Variants in CLPTM1 observed in about 807,000 individuals in gnomAD.
CLPTM1 encodes the protein putative lipid scramblase CLPTM1.
In CLPTM1, 21 loss-of-function variants were observed where a neutral mutation model predicts 77.3. The ratio of observed to expected loss-of-function variants is 0.27; its 90% confidence interval spans 0.19 to 0.39. The LOEUF (loss-of-function observed/expected upper bound fraction) is 0.39, where lower values mean the gene tolerates loss of function less well. Among genes scored for constraint, CLPTM1 ranks in the 10% least tolerant of loss-of-function variants. The probability of loss-of-function intolerance (pLI) is 1.00; values close to 1 mark genes in which losing one functional copy is unlikely to be tolerated. For missense variants in CLPTM1, 642 were observed against 921.2 expected (o/e 0.70, Z 3.92); for synonymous variants, 373 against 381.0 (o/e 0.98, Z 0.24).
intron 2 of CLPTM1, among the ~76,000 whole-genome samples, chr19:44,967,749 G>A (rs1015583472): frequency 4.0e-5 from 6 of 151,752 alleles, no homozygotes; most frequent in Admixed American, 2.0e-4. Context: ...TCCTCCAAGA[G>A]TGTCACACAG....
At position 44,955,381 on chromosome 19, in the gene CLPTM1, A is replaced by G. The variant is rs928487598; in HGVS notation, c.-15A>G. ...GGCGGGGCTGGCGGCGGGGGCGGGG[A>G]CCCGGAGCGGGAAGATGGCGGCGGC... On this transcript the variant is annotated 5_prime_UTR_variant, in exon 1 of 14. Transcript: ENST00000337392. 4 of 1,310,506 alleles carry G rather than the reference A, an allele frequency of 3.1e-6. No homozygotes were observed. Among genetic ancestry groups the G allele is most frequent in the African/African-American group, 1.6e-5 (1 of 63,918 alleles). 81.2% of individuals were successfully genotyped at this position (1,310,506 alleles called of 1,614,324 possible).
intron 8 of CLPTM1, 178 bp from the exon 9 acceptor site, chr19:44,987,902 T>G (rs1290611463): frequency 1.6e-6 from 1 of 631,092 alleles, no homozygotes; most frequent in Non-Finnish European, 2.8e-6. Context: ...CCGTCTCTTC[T>G]GTCTTTGTGA....
In CLPTM1 at chr19:44,990,989, A is replaced by AC. The variant is rs11405080; in HGVS notation, c.1419+46dup. 1,487,966 of 1,488,008 alleles carry AC rather than the reference A, an allele frequency of 1. 743,963 individuals are homozygous for AC. Among genetic ancestry groups the AC allele is most frequent in the Middle Eastern group, 1 (5,830 of 5,830 alleles). 92.2% of individuals were successfully genotyped at this position (1,488,008 alleles called of 1,614,324 possible). Reference sequence around the variant, plus strand: ...GGGCCCCTGGGGGTGGTCTCCAGGTACCACGTATCCCTGAGGCACCCGGGG... The same window carrying AC: ...GGGCCCCTGGGGGTGGTCTCCAGGTACCCACGTATCCCTGAGGCACCCGGGG... On this transcript the variant is annotated intron_variant, in intron 11 of 13. Coordinates refer to ENST00000337392, the MANE Select transcript of CLPTM1 (RefSeq NM_001294.4). This position sits in a 1 kb window ranked among gnomAD's most constrained non-coding sequence, Gnocchi z 4.8.
intron 1 of CLPTM1, among the ~76,000 whole-genome samples, chr19:44,961,624 T>C (rs1198186701): frequency 6.6e-6 from 1 of 152,158 alleles, no homozygotes; most frequent in Non-Finnish European, 1.5e-5. Flanking sequence ...AACCCTAGAC[T>C]GGACCAGGTG....
At chr19:44,969,973 A>C (rs987358843) in intron 2 of CLPTM1, among the ~76,000 whole-genome samples, 1 of 147,230 alleles carries the variant, frequency 6.8e-6, no homozygotes, top group Non-Finnish European at 1.5e-5. Context: ...CACCACGCCC[A>C]GCCTCGTTTT....
intron 9 of CLPTM1, among the ~76,000 whole-genome samples, chr19:44,988,510 T>G (rs1308444052): frequency 1.3e-5 from 2 of 152,238 alleles, no homozygotes; most frequent in Non-Finnish European, 1.5e-5. Flanking sequence ...GGCTGCCTGC[T>G]GCGGGAGGCC....
intron 2 of CLPTM1, among the ~76,000 whole-genome samples, chr19:44,964,123 G>A (rs1970588445): frequency 6.6e-6 from 1 of 151,728 alleles, no homozygotes; most frequent in African/African-American, 2.4e-5. Flanking sequence ...ACTCCAGTCT[G>A]GGCATCAGAG....
rs753044828 is a variant in CLPTM1, at chr19:44,992,201, C to T, written c.1556-32C>T. On this transcript the variant is annotated intron_variant, in intron 12 of 13. Transcript: ENST00000337392. The surrounding 1 kb of genome is among the most constrained non-coding windows in gnomAD (Gnocchi z 7.7). ...TGCACAGGGGAGAGGTGGGAGAGGC[C>T]ATCCCTCTGCTCATGGGTGCTCTCA... The T allele has an allele frequency of 3.1e-6, 5 of 1,611,548 alleles. No homozygotes were observed. In the East Asian group the frequency reaches 1.1e-4, roughly 36 times the overall value.
At chr19:44,964,377 C>T (rs1970594936) in intron 2 of CLPTM1, among the ~76,000 whole-genome samples, 2 of 118,182 alleles carry the variant, frequency 1.7e-5, no homozygotes, top group Non-Finnish European at 1.6e-5. Context: ...GTAGTGCAAT[C>T]TCGGCTCACT....
intron 1 of CLPTM1, among the ~76,000 whole-genome samples, chr19:44,957,691 C>A (rs138701629): frequency 6.6e-6 from 1 of 152,312 alleles, no homozygotes; most frequent in Non-Finnish European, 1.5e-5. Context: ...GTGTCCACAG[C>A]CACTGCCACC....
intron 3 of CLPTM1, among the ~76,000 whole-genome samples, 189 bp downstream of exon 3, chr19:44,973,399 C>G (rs932763311): frequency 6.6e-6 from 1 of 152,162 alleles, no homozygotes; most frequent in South Asian, 2.1e-4. Flanking sequence ...TGGGTCCATC[C>G]CCAGCACATA....
At chr19:44,987,045 G>T (rs1970989572) in intron 7 of CLPTM1, 134 bp from the exon 8 acceptor site, 2 of 1,194,590 alleles carry the variant, frequency 1.7e-6, no homozygotes, top group South Asian at 3.0e-5. Context: ...GCTCCTCATG[G>T]TGTGGCCTAG....
At chr19:44,961,506 ATC>A (rs1161047724) in intron 1 of CLPTM1, among the ~76,000 whole-genome samples, 1 of 152,094 alleles carries the variant, frequency 6.6e-6, no homozygotes, top group Non-Finnish European at 1.5e-5. Context: ...TGTGCCTCTA[ATC>A]TTCTGTTTCT....
In CLPTM1 at chr19:44,990,106, T is replaced by A. The variant is rs946508085; in HGVS notation, c.1133-289T>A. ...TTAGCACCTGGCACGTGGTGAGCCC[T>A]GTCCATGGCACCAGTCACCGTCACC... is the stretch of plus-strand genomic sequence containing the variant. On this transcript the variant is annotated intron_variant, in intron 9 of 13. Coordinates refer to ENST00000337392, the MANE Select transcript of CLPTM1 (RefSeq NM_001294.4). This position sits in a 1 kb window ranked among gnomAD's most constrained non-coding sequence, Gnocchi z 4.8. The A allele has an allele frequency of 2.7e-5, 12 of 440,854 alleles. No individual in the cohort carries two copies. Among genetic ancestry groups the A allele is most frequent in the Middle Eastern group, 6.0e-4 (1 of 1,670 alleles). 27.3% of individuals were successfully genotyped at this position (440,854 alleles called of 1,614,324 possible). A position where few individuals can be genotyped will look rare whatever the true frequency, so the allele number is the denominator to read the frequency against.
In CLPTM1 at chr19:44,992,226, A is replaced by G; in HGVS notation, c.1556-7A>G. ...CATCCCTCTGCTCATGGGTGCTCTC[A>G]CTGCAGGCTTCATCACCATGACGCC... On this transcript the variant is annotated splice_polypyrimidine_tract_variant and splice_region_variant and intron_variant, in intron 12 of 13. Transcript: ENST00000337392. This position sits in a 1 kb window ranked among gnomAD's most constrained non-coding sequence, Gnocchi z 7.7. 6.2e-7 allele frequency: 1 copy of G among 1,613,856 alleles called. No individual in the cohort carries two copies.
At chr19:44,979,148 T>G (rs1437425822) in intron 5 of CLPTM1, among the ~76,000 whole-genome samples, 1 of 151,960 alleles carries the variant, frequency 6.6e-6, no homozygotes, top group African/African-American at 2.4e-5. Context: ...CCCGGCTAGT[T>G]TTTGTATTTT....
At position 44,990,724 on chromosome 19, in the gene CLPTM1, A is replaced by G; in HGVS notation, c.1324-126A>G. The G allele has an allele frequency of 1.1e-5, 14 of 1,282,934 alleles. No individual in the cohort carries two copies. The highest frequency in any genetic ancestry group is 1.5e-5 in the Non-Finnish European group (14 of 910,448). 79.5% of individuals were successfully genotyped at this position (1,282,934 alleles called of 1,614,324 possible). A position where few individuals can be genotyped will look rare whatever the true frequency, so the allele number is the denominator to read the frequency against. Reference sequence around the variant, plus strand: ...CCAGGACTGAGGGGATTTTCTCACCAGGGGATTTTTTGGGTCACACATGGG... The same window carrying G: ...CCAGGACTGAGGGGATTTTCTCACCGGGGGATTTTTTGGGTCACACATGGG... On this transcript the variant is annotated intron_variant, in intron 10 of 13. Coordinates refer to ENST00000337392, the MANE Select transcript of CLPTM1 (RefSeq NM_001294.4). The surrounding 1 kb of genome is among the most constrained non-coding windows in gnomAD (Gnocchi z 4.8).
intron 6 of CLPTM1, 131 bp from the exon 7 acceptor site, chr19:44,986,324 C>A: frequency 8.3e-7 from 1 of 1,207,810 alleles, no homozygotes; most frequent in Admixed American, 2.2e-5. Context: ...CATAGTGAGA[C>A]CCCATCTCAG....
At chr19:44,958,124 G>T (rs962285384) in intron 1 of CLPTM1, among the ~76,000 whole-genome samples, 8 of 152,198 alleles carry the variant, frequency 5.3e-5, no homozygotes, top group Admixed American at 1.3e-4. Context: ...CTCTGAGGAG[G>T]TGACGCTTGA....
Sources: gnomAD v4.1 joint callset for allele counts (sites outside exome capture counted in the v4.1 genomes callset) on GRCh38, gnomAD v4.1.1 for gene constraint, Gnocchi (gnomAD v3.1) non-coding constraint, MANE v1.5 for transcripts, NCBI Gene and HGNC (gene_info 2026-07-23, HGNC 2026-07-21) for gene names.